ITPR2: variants seen among roughly 807,000 people sequenced by gnomAD.
The protein encoded by ITPR2 is inositol 1,4,5-trisphosphate-gated calcium channel ITPR2.
In ITPR2, 207 loss-of-function variants were observed where a neutral mutation model predicts 317.1. The observed-to-expected ratio is 0.65, with a 90% CI of 0.58 to 0.73. The LOEUF (loss-of-function observed/expected upper bound fraction) is 0.73. Among genes scored for constraint, ITPR2 ranks in the 30% least tolerant of loss-of-function variants. The probability of loss-of-function intolerance (pLI) is 0.00; values close to 1 mark genes in which losing one functional copy is unlikely to be tolerated. For synonymous variants in ITPR2, 1,156 were observed against 1,149.1 expected (o/e 1.01, Z -0.12); for missense variants, 2,613 against 3,284.0 (o/e 0.80, Z 4.99).
chr12:26,739,485 T>G (rs1949193165), intron 2 of ITPR2, among the ~76,000 whole-genome samples: 1 of 152,182 alleles, frequency 6.6e-6, no homozygotes, highest in African/African-American at 2.4e-5. Flanking sequence ...TACTGACACA[T>G]GCAGTACTGA....
intron 26 of ITPR2, among the ~76,000 whole-genome samples, chr12:26,603,942 T>C (rs954730172): frequency 2.6e-5 from 4 of 152,102 alleles, no homozygotes; most frequent in African/African-American, 9.7e-5. Flanking sequence ...GCATGTCAAG[T>C]TCAATGTGGG....
rs540458765 is a variant in ITPR2, at chr12:26,350,524, CCCAG to C, written c.7858-10200_7858-10197del. On this transcript the variant is annotated intron_variant, in intron 55 of 56. Transcript: ENST00000381340. The stretch of plus-strand genomic sequence containing the variant: ...GCTGTGATCTTCAAGACCTACCTCT[CCCAG>C]GTGGCCTGAAATAGCACCAAGTCTG... Among the ~76,000 whole-genome samples the C allele has an allele frequency of 7.9e-5, 12 of 152,232 alleles. No individual in the cohort carries two copies. The East Asian group carries it at 2.3e-3, about 29-fold the overall frequency.
At chr12:26,600,934 C>T (rs1565632069) in intron 28 of ITPR2, among the ~76,000 whole-genome samples, 1 of 151,792 alleles carries the variant, frequency 6.6e-6, no homozygotes, top group Non-Finnish European at 1.5e-5. Flanking sequence ...TTCTTTTCCT[C>T]TTTGCTTTCT....
At chr12:26,550,430 G>A (rs1180739892) in intron 36 of ITPR2, 75 bp from the exon 37 acceptor site, 2 of 686,550 alleles carry the variant, frequency 2.9e-6, no homozygotes, top group Non-Finnish European at 5.0e-6. Flanking sequence ...AAAGGCCATA[G>A]GGGAAAAAAT....
intron 45 of ITPR2, among the ~76,000 whole-genome samples, chr12:26,454,159 CAAT>C (rs1000738595): frequency 6.6e-6 from 1 of 152,082 alleles, no homozygotes; most frequent in African/African-American, 2.4e-5. Flanking sequence ...TGATGAATTA[CAAT>C]ATTATATGTA....
At chr12:26,634,260 C>CATAA (rs2136840905) in intron 21 of ITPR2, among the ~76,000 whole-genome samples, 1 of 152,304 alleles carries the variant, frequency 6.6e-6, no homozygotes, top group South Asian at 2.1e-4. Context: ...TCAGACACTG[C>CATAA]ATAAATCACA....
chr12:26,340,113 G>A (rs1050446954), intron 56 of ITPR2, 54 bp downstream of exon 56: 23 of 1,486,894 alleles, frequency 1.5e-5, no homozygotes, highest in Admixed American at 8.4e-5. Flanking sequence ...TCCCCTCACC[G>A]GAAGTGGTGA....
At chr12:26,649,192 C>T (rs899730365) in intron 21 of ITPR2, 1 of 119,310 alleles carries the variant, frequency 8.4e-6, no homozygotes, top group African/African-American at 3.2e-5. Context: ...GCATCTGTCT[C>T]CACACACACC....
chr12:26,400,888 T>C (rs1197360067), intron 52 of ITPR2: 2 of 152,202 alleles, frequency 1.3e-5, no homozygotes, highest in Admixed American at 6.6e-5. Context: ...ATCTGTAAAA[T>C]GGGGAGGGCC....
At position 26,426,037 on chromosome 12, in the gene ITPR2, A is replaced by T. The variant is rs12227450; in HGVS notation, c.6945+1876T>A. Among the ~76,000 whole-genome samples the T allele has an allele frequency of 0.013, 2,052 of 152,312 alleles. 115 individuals are homozygous for T. The East Asian group carries it at 0.17, about 13-fold the overall frequency. ...TGGTCCAAAAACAAAGGAAATGCAA[A>T]TCGGTGAGTGTGACACATCAGCTTC... On this transcript the variant is annotated intron_variant, in intron 49 of 56. Coordinates refer to ENST00000381340, the MANE Select transcript of ITPR2 (RefSeq NM_002223.4).
intron 1 of ITPR2, among the ~76,000 whole-genome samples, chr12:26,804,700 T>C (rs1022034007): frequency 1.3e-5 from 2 of 152,138 alleles, no homozygotes; most frequent in African/African-American, 4.8e-5. Context: ...AATGAATTTA[T>C]CTCTAAATAA....
chr12:26,352,859 G>A (rs1170266028), intron 55 of ITPR2, among the ~76,000 whole-genome samples: 1 of 152,212 alleles, frequency 6.6e-6, no homozygotes, highest in Non-Finnish European at 1.5e-5. Flanking sequence ...GACCAATGGT[G>A]CACATCTCTT....
intron 21 of ITPR2, among the ~76,000 whole-genome samples, chr12:26,645,543 T>C (rs1310880896): frequency 6.6e-6 from 1 of 152,216 alleles, no homozygotes; most frequent in Non-Finnish European, 1.5e-5. Context: ...AAGCAGAGCA[T>C]GGACAGAGGG....
chr12:26,409,059 A>G (rs923505281), intron 52 of ITPR2, among the ~76,000 whole-genome samples: 5 of 152,196 alleles, frequency 3.3e-5, no homozygotes, highest in Non-Finnish European at 1.5e-5. Context: ...TCTTTTTAAA[A>G]AGTGATTTTT....
Position 26,396,724 on chromosome 12 carries a change from T to A in ITPR2, c.7696+2152A>T, listed in dbSNP as rs191992941. Among the ~76,000 whole-genome samples the A allele has an allele frequency of 1.5e-3, 222 of 152,326 alleles. 1 individual carries two copies. Among genetic ancestry groups the A allele is most frequent in the African/African-American group, 5.0e-3 (206 of 41,574 alleles). ...ATCTCTGAGGCTCAGACTCATGAAT[T>A]GATCTGTGCTGTATCCCACTGGGGT... On this transcript the variant is annotated intron_variant, in intron 54 of 56. Coordinates refer to ENST00000381340, the MANE Select transcript of ITPR2 (RefSeq NM_002223.4).
At chr12:26,774,855 C>T (rs1011434841) in intron 2 of ITPR2, among the ~76,000 whole-genome samples, 5 of 152,160 alleles carry the variant, frequency 3.3e-5, no homozygotes, top group Admixed American at 6.5e-5. Flanking sequence ...TATTGTGGAA[C>T]GAAATGACAA....
chr12:26,572,893 C>CA (rs1339673484), intron 34 of ITPR2, among the ~76,000 whole-genome samples: 1 of 151,934 alleles, frequency 6.6e-6, no homozygotes, highest in Non-Finnish European at 1.5e-5. Context: ...TCCAGTAAGC[C>CA]AAATGTCCAT....
At chr12:26,474,474 G>C (rs1942363820) in intron 45 of ITPR2, among the ~76,000 whole-genome samples, 1 of 152,200 alleles carries the variant, frequency 6.6e-6, no homozygotes, top group African/African-American at 2.4e-5. Context: ...ACCTGTTTAA[G>C]TTATAAAATG....
At chr12:26,445,487 T>A (rs927298440) in intron 45 of ITPR2, among the ~76,000 whole-genome samples, 2 of 152,030 alleles carry the variant, frequency 1.3e-5, no homozygotes, top group Non-Finnish European at 2.9e-5. Flanking sequence ...CATCAGCAAA[T>A]TAGACTGAGA....
Sources: gnomAD v4.1 joint callset for allele counts (sites outside exome capture counted in the v4.1 genomes callset) on GRCh38, gnomAD v4.1.1 for gene constraint, MANE v1.5 for transcripts, NCBI Gene and HGNC (gene_info 2026-07-23, HGNC 2026-07-21) for gene names.